Variants in FARS2 observed in about 807,000 individuals in gnomAD.
FARS2 encodes the protein phenylalanine--tRNA ligase, mitochondrial.
In FARS2, 40 loss-of-function variants were observed where a neutral mutation model predicts 46.4. The observed-to-expected ratio is 0.86, with a 90% CI of 0.67 to 1.12. The LOEUF is 1.12. Among genes scored for constraint, FARS2 ranks in the 50% most tolerant of loss-of-function variants. The pLI is 0.00. For synonymous variants in FARS2, 234 were observed against 214.9 expected (o/e 1.09, Z -0.78); for missense variants, 513 against 567.9 (o/e 0.90, Z 0.98).
chr6:5,610,210 G>A (rs1470267490), intron 5 of FARS2: 6 of 603,550 alleles, frequency 9.9e-6, no homozygotes, highest in Non-Finnish European at 1.8e-5. Flanking sequence ...ACGGCAGGGA[G>A]AAGAGAGACT....
At chr6:5,336,513 T>G (rs1771168502) in intron 1 of FARS2, among the ~76,000 whole-genome samples, 1 of 152,146 alleles carries the variant, frequency 6.6e-6, no homozygotes, top group African/African-American at 2.4e-5. Context: ...TTTTTAATTT[T>G]AAAAATTATG....
chr6:5,718,720 A>C (rs967874233), intron 6 of FARS2, among the ~76,000 whole-genome samples: 1 of 152,182 alleles, frequency 6.6e-6, no homozygotes, highest in African/African-American at 2.4e-5. Context: ...AGCTAATGGA[A>C]GATGGGGCCT....
intron 4 of FARS2, among the ~76,000 whole-genome samples, chr6:5,531,768 C>T (rs1385807659): frequency 1.3e-5 from 2 of 152,118 alleles, no homozygotes; most frequent in Non-Finnish European, 2.9e-5. Flanking sequence ...GGAAGCAGTT[C>T]AAGTATCGTG....
At chr6:5,592,432 A>C (rs1396080485) in intron 5 of FARS2, among the ~76,000 whole-genome samples, 1 of 151,944 alleles carries the variant, frequency 6.6e-6, no homozygotes, top group Admixed American at 6.6e-5. Context: ...ACAACAAAAA[A>C]CAAACCTGCC....
rs183222561 is a variant in FARS2, at chr6:5,354,028, C to T, written c.-21-14522C>T. 1.4e-3 allele frequency among the ~76,000 whole-genome samples: 214 copies of T among 150,050 alleles called. 2 individuals are homozygous for T. The Middle Eastern group carries it at 0.031, about 21-fold the overall frequency. On this transcript the variant is annotated intron_variant, in intron 1 of 6. Coordinates refer to ENST00000274680, the MANE Select transcript of FARS2 (RefSeq NM_006567.5). ...GTGATAAAATCTTTTTTTTTTTCCT[C>T]CCAAATCTTACTATGTTAACATCTC...
intron 2 of FARS2, among the ~76,000 whole-genome samples, chr6:5,389,041 A>G (rs1195693308): frequency 1.3e-5 from 2 of 152,148 alleles, no homozygotes; most frequent in African/African-American, 4.8e-5. Context: ...CACAGATGTC[A>G]AAGAATCTCT....
At chr6:5,617,412 G>T (rs1033254941) in intron 6 of FARS2, among the ~76,000 whole-genome samples, 1 of 152,230 alleles carries the variant, frequency 6.6e-6, no homozygotes, top group Admixed American at 6.5e-5. Flanking sequence ...GAAATAAGGG[G>T]CTTGGTGATT....
intron 6 of FARS2, among the ~76,000 whole-genome samples, chr6:5,673,446 A>G (rs534970988): frequency 1.9e-4 from 29 of 152,280 alleles, no homozygotes; most frequent in African/African-American, 6.5e-4. Context: ...TCCTGGTGCA[A>G]GTATCTGAGG....
intron 5 of FARS2, among the ~76,000 whole-genome samples, chr6:5,551,286 C>T (rs564379544): frequency 1.6e-4 from 24 of 152,254 alleles, no homozygotes; most frequent in Middle Eastern, 6.8e-3. Context: ...CATTTCCTTG[C>T]GAGCCCTCAC....
At chr6:5,517,648 A>G (rs1014991859) in intron 4 of FARS2, among the ~76,000 whole-genome samples, 2 of 152,004 alleles carry the variant, frequency 1.3e-5, no homozygotes, top group African/African-American at 4.8e-5. Context: ...ATATACACAC[A>G]CATACACACA....
At chr6:5,555,153 G>T (rs1482658305) in intron 5 of FARS2, among the ~76,000 whole-genome samples, 3 of 152,008 alleles carry the variant, frequency 2.0e-5, no homozygotes, top group Non-Finnish European at 4.4e-5. Flanking sequence ...GCTTATCAGG[G>T]GTTTCTGCTT....
At chr6:5,648,385 C>A (rs1481866678) in intron 6 of FARS2, among the ~76,000 whole-genome samples, 1 of 152,206 alleles carries the variant, frequency 6.6e-6, no homozygotes, top group Non-Finnish European at 1.5e-5. Context: ...TCGTCTGTGA[C>A]CCCATCAACT....
At chr6:5,522,081 T>C (rs1174138776) in intron 4 of FARS2, among the ~76,000 whole-genome samples, 2 of 152,242 alleles carry the variant, frequency 1.3e-5, no homozygotes, top group Non-Finnish European at 2.9e-5. Context: ...GCTTCTGTGC[T>C]AACAGATAAA....
chr6:5,686,772 G>C (rs1039785225), intron 6 of FARS2, among the ~76,000 whole-genome samples: 2 of 152,228 alleles, frequency 1.3e-5, no homozygotes, highest in African/African-American at 2.4e-5. Context: ...CTGAGGAATT[G>C]CCACACTGAC....
chr6:5,441,170 C>T (rs1763823519), intron 4 of FARS2, among the ~76,000 whole-genome samples: 2 of 152,216 alleles, frequency 1.3e-5, no homozygotes, highest in Admixed American at 1.3e-4. Context: ...GATCTGCCTG[C>T]CTTGGCCTCC....
chr6:5,656,562 T>TGGTCTGTATGTATATATTTATTTACTTA (rs55849729), intron 6 of FARS2, among the ~76,000 whole-genome samples: 1 of 151,818 alleles, frequency 6.6e-6, no homozygotes, highest in Non-Finnish European at 1.5e-5. Context: ...TCTTTGTTTT[T>TGGTCTGTATGTATATATTTATTTACTTA]TTTTTGGAGA....
intron 6 of FARS2, among the ~76,000 whole-genome samples, chr6:5,696,295 G>A (rs1758101243): frequency 6.6e-6 from 1 of 152,126 alleles, no homozygotes; most frequent in Admixed American, 6.5e-5. Flanking sequence ...TAGAATGTTT[G>A]TACTAGCAAA....
chr6:5,554,458 A>C (rs1771539745), intron 5 of FARS2, among the ~76,000 whole-genome samples: 2 of 152,190 alleles, frequency 1.3e-5, no homozygotes, highest in South Asian at 4.1e-4. Flanking sequence ...GTCAGAGTTC[A>C]TCCTTGCTAT....
intron 1 of FARS2, among the ~76,000 whole-genome samples, chr6:5,359,943 A>G (rs1292626414): frequency 6.6e-6 from 1 of 152,262 alleles, no homozygotes; most frequent in Non-Finnish European, 1.5e-5. Context: ...GAACCACCAC[A>G]GAAAAGAGGT....
Sources: gnomAD v4.1 joint callset for allele counts (sites outside exome capture counted in the v4.1 genomes callset) on GRCh38, gnomAD v4.1.1 for gene constraint, MANE v1.5 for transcripts, NCBI Gene and HGNC (gene_info 2026-07-23, HGNC 2026-07-21) for gene names.